NCOR2: variants seen among roughly 807,000 people sequenced by gnomAD.
NCOR2 encodes the protein nuclear receptor corepressor 2, also known as CTG repeat protein 26.
In NCOR2, 81 loss-of-function variants were observed where a neutral mutation model predicts 262.9. The observed-to-expected ratio is 0.31, with a 90% CI of 0.26 to 0.37. The LOEUF is 0.37. NCOR2 is among the 10% of genes least tolerant of loss of function. The pLI is 1.00. For missense variants in NCOR2, 3,385 were observed against 3,621.4 expected (o/e 0.93, Z 1.68); for synonymous variants, 1,659 against 1,559.3 (o/e 1.06, Z -1.51).
Position 124,378,139 on chromosome 12 carries a change from C to G in NCOR2, c.2167+98G>C. On this transcript the variant is annotated intron_variant, in intron 18 of 46. Coordinates refer to ENST00000405201, the Ensembl canonical transcript of NCOR2. This position sits in a 1 kb window ranked among gnomAD's most constrained non-coding sequence, Gnocchi z 4.2. Reference sequence around the variant, plus strand: ...CCTTCTAAGGAGGACCCAGATGACTCAGGGGAGAGGAGGCTGCCGGGATCA... The same window carrying G: ...CCTTCTAAGGAGGACCCAGATGACTGAGGGGAGAGGAGGCTGCCGGGATCA... 2 of 1,532,098 alleles carry G rather than the reference C, an allele frequency of 1.3e-6. No individual in the cohort carries two copies. Among genetic ancestry groups the G allele is most frequent in the South Asian group, 2.6e-5 (2 of 78,204 alleles). The allele number at this position is 1,532,098 out of a possible 1,614,324, so 94.9% of individuals were successfully genotyped here.
At chr12:124,524,544 A>G (rs538322495) in intron 1 of NCOR2, among the ~76,000 whole-genome samples, 1 of 152,362 alleles carries the variant, frequency 6.6e-6, no homozygotes, top group African/African-American at 2.4e-5. Flanking sequence ...AAGGAGGCAC[A>G]GCTGAGGCAA....
rs138720911 is a variant in NCOR2, at chr12:124,473,744, T to G, written c.412-613A>C. On this transcript the variant is annotated intron_variant, in intron 3 of 46. Coordinates refer to ENST00000405201, the Ensembl canonical transcript of NCOR2. ...CTCCACAGCCACATGGAACTGTGAG[T>G]ACAATTAAACCTCTTTCTTTTTTAA... Among the ~76,000 whole-genome samples, 307 of 152,132 alleles carry G rather than the reference T, an allele frequency of 2.0e-3. 2 individuals are homozygous for G. The highest frequency in any genetic ancestry group is 6.9e-3 in the African/African-American group (285 of 41,492).
chr12:124,357,917 G>GCGCA (rs2038097941), intron 22 of NCOR2, among the ~76,000 whole-genome samples: 4 of 149,630 alleles, frequency 2.7e-5, no homozygotes, highest in South Asian at 2.1e-4. Context: ...GTGTGTGCGT[G>GCGCA]CGCACGTGCG....
rs183320649 is a variant in NCOR2, at chr12:124,482,465, C to T, written c.411+1131G>A. Among the ~76,000 whole-genome samples the T allele has an allele frequency of 3.3e-5, 5 of 152,314 alleles. No homozygotes were observed. The East Asian group carries it at 9.7e-4, about 29-fold the overall frequency. On this transcript the variant is annotated intron_variant, in intron 3 of 46. Coordinates refer to ENST00000405201, the Ensembl canonical transcript of NCOR2. This position sits in a 1 kb window ranked among gnomAD's most constrained non-coding sequence, Gnocchi z 6.3. ...GCCGAGTCTGGCCCAGGTGGCCTGG[C>T]CCCGCAGCCAGACCACCACCCATGC...
chr12:124,516,366 G>A, intron 1 of NCOR2, among the ~76,000 whole-genome samples: 1 of 152,194 alleles, frequency 6.6e-6, no homozygotes, highest in Non-Finnish European at 1.5e-5. Context: ...GGGAGACGGG[G>A]CAGAACAGGC....
intron 20 of NCOR2, among the ~76,000 whole-genome samples, chr12:124,369,634 A>T (rs2039329466): frequency 6.7e-6 from 1 of 150,082 alleles, no homozygotes; most frequent in Non-Finnish European, 1.5e-5. Flanking sequence ...CAGGCTGGCC[A>T]GAGTCCAGCC....
At chr12:124,354,259 T>A (rs1434086613) in intron 26 of NCOR2, 63 bp from the exon 29 acceptor site, 1 of 1,474,034 alleles carries the variant, frequency 6.8e-7, no homozygotes. Context: ...CAGGCCCCAG[T>A]CCTGAGAGCC....
intron 11 of NCOR2, among the ~76,000 whole-genome samples, chr12:124,424,066 C>T (rs187701440): frequency 6.6e-6 from 1 of 152,304 alleles, no homozygotes; most frequent in Admixed American, 6.5e-5. Context: ...GCCAGCCCCA[C>T]GGGCCGGCAG....
At chr12:124,355,038 A>G in intron 24 of NCOR2, 99 bp from the exon 27 acceptor site, 1 of 1,003,578 alleles carries the variant, frequency 1.0e-6, no homozygotes. Flanking sequence ...CGTGTGGGTC[A>G]GAGGCTGGGG....
intron 1 of NCOR2, among the ~76,000 whole-genome samples, chr12:124,525,006 T>G (rs1215898101): frequency 6.6e-6 from 1 of 152,122 alleles, no homozygotes; most frequent in African/African-American, 2.4e-5. Context: ...ACATGGAAAT[T>G]AACTATGGAG....
At chr12:124,411,942 T>C (rs1593422064) in intron 13 of NCOR2, among the ~76,000 whole-genome samples, 1 of 152,176 alleles carries the variant, frequency 6.6e-6, no homozygotes, top group Non-Finnish European at 1.5e-5. Context: ...GGGGCTAGCA[T>C]TCCAAAAGCC....
intron 1 of NCOR2, among the ~76,000 whole-genome samples, chr12:124,524,989 T>C (rs1489428910): frequency 6.6e-6 from 1 of 152,304 alleles, no homozygotes; most frequent in African/African-American, 2.4e-5. Flanking sequence ...ATTAAAACCA[T>C]GTAAATACAT....
At chr12:124,508,219 A>G (rs2049157112) in intron 1 of NCOR2, among the ~76,000 whole-genome samples, 2 of 152,230 alleles carry the variant, frequency 1.3e-5, no homozygotes, top group South Asian at 4.1e-4. Flanking sequence ...AAACGGGAAG[A>G]ATCCACTTTA....
intron 1 of NCOR2, among the ~76,000 whole-genome samples, chr12:124,509,391 G>A (rs1289993282): frequency 1.3e-5 from 2 of 152,222 alleles, no homozygotes; most frequent in Non-Finnish European, 2.9e-5. Context: ...TGAAAGTGGG[G>A]AGCACCTGGA....
intron 5 of NCOR2, among the ~76,000 whole-genome samples, chr12:124,458,988 T>G (rs1344143320): frequency 6.6e-6 from 1 of 151,966 alleles, no homozygotes; most frequent in African/African-American, 2.4e-5. Flanking sequence ...GGGAGAGACA[T>G]GGAATGAATG....
At chr12:124,382,455 C>T (rs549612119) in intron 17 of NCOR2, among the ~76,000 whole-genome samples, 1 of 152,294 alleles carries the variant, frequency 6.6e-6, no homozygotes, top group African/African-American at 2.4e-5. Context: ...ATCTCGGGGT[C>T]CCCTCCTGTC....
chr12:124,470,871 A>G (rs764776774), intron 4 of NCOR2, among the ~76,000 whole-genome samples: 3 of 152,234 alleles, frequency 2.0e-5, no homozygotes, highest in Non-Finnish European at 4.4e-5. Context: ...ACAAAAACCT[A>G]ACCATTGAGG....
At chr12:124,355,922 C>T (rs1203504361) in intron 23 of NCOR2, among the ~76,000 whole-genome samples, 1 of 152,176 alleles carries the variant, frequency 6.6e-6, no homozygotes. Context: ...TGGTGCACAC[C>T]CTCCCTGTGC....
At chr12:124,334,991 C>CGCCCTGGATCCCCCCAGCGCCAT in intron 40 of NCOR2, 144 bp downstream of exon 42, 2 of 1,254,812 alleles carry the variant, frequency 1.6e-6, no homozygotes, top group Non-Finnish European at 2.3e-6. Flanking sequence ...CCCTCACCCA[C>CGCCCTGGATCCCCCCAGCGCCAT]GCCCTGGATC....
Sources: gnomAD v4.1 joint callset for allele counts (sites outside exome capture counted in the v4.1 genomes callset) on GRCh38, gnomAD v4.1.1 for gene constraint, Gnocchi (gnomAD v3.1) non-coding constraint, MANE v1.5 for transcripts, NCBI Gene and HGNC (gene_info 2026-07-23, HGNC 2026-07-21) for gene names.